The following SNAPC2 variants were observed in gnomAD, a reference collection of about 807,000 sequenced individuals.
SNAPC2 encodes small nuclear RNA activating complex polypeptide 2.
A neutral mutation model predicts 22.9 loss-of-function variants in SNAPC2; 27 were observed. That is an observed-to-expected ratio of 1.18 (90% confidence interval 0.87 to 1.63). The LOEUF (loss-of-function observed/expected upper bound fraction) is 1.63, where lower values mean the gene tolerates loss of function less well. Among genes scored for constraint, SNAPC2 ranks in the 40% most tolerant of loss-of-function variants. SNAPC2 has a pLI of 0.00. For synonymous variants in SNAPC2, 272 were observed against 201.0 expected (o/e 1.35, Z -2.99); for missense variants, 570 against 449.1 (o/e 1.27, Z -2.43).
Position 7,921,487 on chromosome 19 carries a change from C to T in SNAPC2, c.248C>T (p.Pro83Leu), listed in dbSNP as rs150555823. 1.4e-4 allele frequency: 233 copies of T among 1,613,856 alleles called. 1 individual carries two copies. In the African/African-American group the frequency reaches 2.5e-3, roughly 17 times the overall value. ...VAREAIQKVH[P>L]GGLQGPRRRE... Reference sequence around the variant, plus strand: ...CGGGAGGCCATTCAGAAAGTGCATCCGGGTGGCCTTCAGGGACCAAGGCGC... The same window carrying T: ...CGGGAGGCCATTCAGAAAGTGCATCTGGGTGGCCTTCAGGGACCAAGGCGC... The change falls in exon 2 of 5, where the codon CCG (proline) becomes CTG (leucine). Residue 83 changes from proline (P) to leucine (L), a missense_variant. Pro to Leu is a moderately conservative substitution (Grantham distance 98, BLOSUM62 -3). Coordinates refer to ENST00000221573, the MANE Select transcript of SNAPC2 (RefSeq NM_003083.4).
chr19:7,920,828 G>C (rs1983540656), intron 1 of SNAPC2: 5 of 582,238 alleles, frequency 8.6e-6, no homozygotes, highest in South Asian at 3.9e-5. Flanking sequence ...TGCCGGGGGC[G>C]GGGCGTGCGT....
Position 7,922,772 on chromosome 19 carries a change from G to GGCGGGCAGGGGGCCT in SNAPC2, c.*17_*18insGGGCCTGCGGGCAGG. On this transcript the variant is annotated 3_prime_UTR_variant, in exon 5 of 5. Coordinates refer to ENST00000221573, the MANE Select transcript of SNAPC2 (RefSeq NM_003083.4). ...GCCACCCCTGCCAGGTGAGGGGCAT[G>GGCGGGCAGGGGGCCT]GCGGGCAGGAGGCCACACCAGGCCC... 1 of 1,567,966 alleles carries GGCGGGCAGGGGGCCT rather than the reference G, an allele frequency of 6.4e-7. No homozygotes were observed. Among genetic ancestry groups the GGCGGGCAGGGGGCCT allele is most frequent in the East Asian group, 2.3e-5 (1 of 44,126 alleles).
rs1328907451 is a variant in SNAPC2 at position 7,922,777 on chromosome 19, GC to G, written c.*14del. ...CCCTGCCAGGTGAGGGGCATGGCGG[GC>G]AGGAGGCCACACCAGGCCCCCCGCC... On this transcript the variant is annotated 3_prime_UTR_variant, in exon 5 of 5. Transcript: ENST00000221573. 4.2e-5 allele frequency: 66 copies of G among 1,559,130 alleles called. No homozygotes were observed. The highest frequency in any genetic ancestry group is 5.4e-5 in the Non-Finnish European group (62 of 1,148,526).
chr19:7,922,554 C>T lies in SNAPC2; in HGVS notation c.795C>T (p.Ala265=), dbSNP rs141232084. ...CGGAGACGTACCTACGCCTGACAGC[C>T]CCCCAGCCCATTCCCGCTGGAGGGA... ...HMTETYLRLT[A]PQPIPAGGSL... is the part of the protein sequence containing the mutation. The change falls in exon 5 of 5, where the codon GCC becomes GCT. Residue 265 remains alanine (A), a synonymous_variant. Coordinates refer to ENST00000221573, the MANE Select transcript of SNAPC2 (RefSeq NM_003083.4). 1.4e-4 allele frequency: 222 copies of T among 1,613,330 alleles called. No individual in the cohort carries two copies. The Admixed American group carries it at 1.9e-3, about 14-fold the overall frequency.
chr19:7,921,593 AGGTG>A (rs751801185), intron 2 of SNAPC2, 51 bp downstream of exon 2: 1 of 1,603,224 alleles, frequency 6.2e-7, no homozygotes, highest in Non-Finnish European at 8.5e-7. Context: ...CCTGGTGGGT[AGGTG>A]GGAGTTGCGG....
chr19:7,922,867 C>T lies in SNAPC2; in HGVS notation c.*103C>T. The T allele has an allele frequency of 1.1e-6, 1 of 929,584 alleles. No individual in the cohort carries two copies. Among genetic ancestry groups the T allele is most frequent in the Non-Finnish European group, 1.6e-6 (1 of 618,844 alleles). 57.6% of individuals were successfully genotyped at this position (929,584 alleles called of 1,614,324 possible). The stretch of plus-strand genomic sequence containing the variant: ...TGAGGATCCCGTCATGGGGGAAGGT[C>T]CTTGAGATGATGCTCAGCTGTGGGG... On this transcript the variant is annotated 3_prime_UTR_variant, in exon 5 of 5. Coordinates refer to ENST00000221573, the MANE Select transcript of SNAPC2 (RefSeq NM_003083.4).
At position 7,923,067 on chromosome 19, in the gene SNAPC2, G is replaced by C. The variant is rs935110984; in HGVS notation, c.*303G>C. 8 of 362,932 alleles carry C rather than the reference G, an allele frequency of 2.2e-5. No homozygotes were observed. The allele number at this position is 362,932 out of a possible 1,614,324, so 22.5% of individuals were successfully genotyped here. On this transcript the variant is annotated 3_prime_UTR_variant, in exon 5 of 5. Transcript: ENST00000221573. ...CACTGTGCCTTGTTGTCTGCTGGGG[G>C]GCCATAGCTGGCACTGCCCACCGTA...
In SNAPC2 at chr19:7,922,027, C is replaced by T. The variant is rs577692069; in HGVS notation, c.373-8C>T. 17 of 1,600,804 alleles carry T rather than the reference C, an allele frequency of 1.1e-5. No individual in the cohort carries two copies. Among genetic ancestry groups the T allele is most frequent in the South Asian group, 4.4e-5 (4 of 90,052 alleles). ...CTCCTCTTCCTCCCTGATTGTTCTG[C>T]CTGCCAGGTGCTCACCATCGCGGCC... On this transcript the variant is annotated splice_polypyrimidine_tract_variant and splice_region_variant and intron_variant, in intron 3 of 4. Transcript: ENST00000221573.
chr19:7,921,134 A>AGAAGAGGGGAC, intron 1 of SNAPC2: 1 of 1,348,440 alleles, frequency 7.4e-7, no homozygotes, highest in Non-Finnish European at 9.5e-7. Context: ...GAGGGAATAG[A>AGAAGAGGGGAC]GAAGAGGGGA....
chr19:7,921,014 T>C, intron 1 of SNAPC2: 1 of 1,132,418 alleles, frequency 8.8e-7, no homozygotes, highest in Non-Finnish European at 1.1e-6. Context: ...CTCGGGGTAA[T>C]GCGTGGGTGA....
rs767179340 is a variant in SNAPC2, at chr19:7,922,637, C to T, written c.878C>T (p.Pro293Leu). 3.6e-5 allele frequency: 58 copies of T among 1,613,548 alleles called. No individual in the cohort carries two copies. The East Asian group carries it at 6.7e-4, about 19-fold the overall frequency. The change falls in exon 5 of 5, where the codon CCC (proline) becomes CTC (leucine). Residue 293 changes from proline to leucine, a missense_variant. Pro to Leu is a moderately conservative substitution (Grantham distance 98). Transcript: ENST00000221573. ...GGCTCCAAGGCACCAGAGGAGACCC[C>T]CCCAGCCACCGAGAAGGCCGAGCAC... The part of the protein sequence containing the change: ...GAGSKAPEET[P>L]PATEKAEHSE...
Position 7,921,174 on chromosome 19 carries a change from C to T in SNAPC2, c.184-249C>T. ...GAAGGGAGTTGAACGGGGTAGTAGTCAGCATAGGGTTGGGCCCTGGCTGCG... is the reference window on the plus strand; with the variant it reads ...GAAGGGAGTTGAACGGGGTAGTAGTTAGCATAGGGTTGGGCCCTGGCTGCG... On this transcript the variant is annotated intron_variant, in intron 1 of 4. Coordinates refer to ENST00000221573, the MANE Select transcript of SNAPC2 (RefSeq NM_003083.4). 2.1e-6 allele frequency: 3 copies of T among 1,414,000 alleles called. No homozygotes were observed. In the South Asian group the frequency reaches 4.5e-5, roughly 21 times the overall value. 87.6% of individuals were successfully genotyped at this position (1,414,000 alleles called of 1,614,324 possible).
At chr19:7,921,130 A>C in intron 1 of SNAPC2, 5 of 1,326,082 alleles carry the variant, frequency 3.8e-6, no homozygotes, top group East Asian at 3.3e-5. Context: ...GTGAGAGGGA[A>C]TAGAGAAGAG....
Position 7,922,551 on chromosome 19 carries a change from A to G in SNAPC2, c.792A>G (p.Thr264=). 1.9e-6 allele frequency: 3 copies of G among 1,613,146 alleles called. No homozygotes were observed. The highest frequency in any genetic ancestry group is 2.5e-6 in the Non-Finnish European group (3 of 1,179,592). Residue 264 remains threonine, a synonymous_variant, in exon 5 of 5, where the codon ACA becomes ACG. Coordinates refer to ENST00000221573, the MANE Select transcript of SNAPC2 (RefSeq NM_003083.4). The part of the protein sequence containing the change: ...EHMTETYLRL[T]APQPIPAGGS... ...TGACGGAGACGTACCTACGCCTGAC[A>G]GCCCCCCAGCCCATTCCCGCTGGAG...
At chr19:7,920,732 G>T in intron 1 of SNAPC2, 183 bp downstream of exon 1, 1 of 490,410 alleles carries the variant, frequency 2.0e-6, no homozygotes, top group South Asian at 3.2e-5. Flanking sequence ...GGGGCGGGGC[G>T]TGGACGGGAA....
rs769564442 is a variant in SNAPC2 at position 7,922,552 on chromosome 19, GC to G, written c.799del (p.Gln267SerfsTer38). ...GACGGAGACGTACCTACGCCTGACA[GC>G]CCCCCAGCCCATTCCCGCTGGAGGG... The part of the protein sequence containing the change: ...HMTETYLRLT[A>X]PQPIPAGGSL... On this transcript the variant is annotated frameshift_variant, in exon 5 of 5. Coordinates refer to ENST00000221573, the MANE Select transcript of SNAPC2 (RefSeq NM_003083.4). LOFTEE classifies it low-confidence loss of function (END_TRUNC). 1 of 1,613,020 alleles carries G rather than the reference GC, an allele frequency of 6.2e-7. No individual in the cohort carries two copies. Among genetic ancestry groups the G allele is most frequent in the Non-Finnish European group, 8.5e-7 (1 of 1,179,526 alleles).
rs765551867 is a variant in SNAPC2, at chr19:7,922,262, A to C, written c.600A>C (p.Glu200Asp). ...CGTCGGCTGGTCCCTCCACTGAAGA[A>C]GACTTTGCTGTGGACTTTGAGAAGA... ...SESSAGPSTE[E>D]DFAVDFEKIY... The change falls in exon 4 of 5, where the codon GAA becomes GAC. Residue 200 changes from glutamate (E) to aspartate (D), a missense_variant. Coordinates refer to ENST00000221573, the MANE Select transcript of SNAPC2 (RefSeq NM_003083.4). The C allele has an allele frequency of 1.5e-5, 24 of 1,613,748 alleles. No individual in the cohort carries two copies. The highest frequency in any genetic ancestry group is 2.2e-5 in the East Asian group (1 of 44,866).
chr19:7,922,038 C>G lies in SNAPC2; in HGVS notation c.376C>G (p.Leu126Val). ...EALAVAFSQV[L>V]TIAATEPVTL... ...CCCTGATTGTTCTGCCTGCCAGGTGCTCACCATCGCGGCCACGGAACCGGT... is the reference window on the plus strand; with the variant it reads ...CCCTGATTGTTCTGCCTGCCAGGTGGTCACCATCGCGGCCACGGAACCGGT... Residue 126 changes from leucine (L) to valine (V), a missense_variant, in exon 4 of 5, where the codon CTC becomes GTC. Leu to Val is a conservative substitution (Grantham distance 32). Transcript: ENST00000221573. 6.2e-7 allele frequency: 1 copy of G among 1,605,880 alleles called. No homozygotes were observed. The highest frequency in any genetic ancestry group is 8.5e-7 in the Non-Finnish European group (1 of 1,174,660).
chr19:7,920,352 C>A lies in SNAPC2; in HGVS notation c.-15C>A. 6.4e-7 allele frequency: 1 copy of A among 1,561,048 alleles called. No homozygotes were observed. The highest frequency in any genetic ancestry group is 8.6e-7 in the Non-Finnish European group (1 of 1,162,096). ...GGAGAAGCGACCTTACAGCGCCTGC[C>A]TCTTTCTGAGCGGCATGAAGCCACC... On this transcript the variant is annotated 5_prime_UTR_variant, in exon 1 of 5. Coordinates refer to ENST00000221573, the MANE Select transcript of SNAPC2 (RefSeq NM_003083.4).
Sources: gnomAD v4.1 joint callset for allele counts on GRCh38, gnomAD v4.1.1 for gene constraint, MANE v1.5 for transcripts, NCBI Gene and HGNC (gene_info 2026-07-23, HGNC 2026-07-21) for gene names.